Variants in PKIB observed in about 807,000 individuals in gnomAD.
PKIB encodes PKI-beta.
A neutral mutation model predicts 4.5 loss-of-function variants in PKIB; 2 were observed. The observed-to-expected ratio is 0.44, with a 90% CI of 0.18 to 1.39. The LOEUF (loss-of-function observed/expected upper bound fraction) is 1.39, where lower values mean the gene tolerates loss of function less well. Ranked by LOEUF, PKIB falls within the 40% of genes most tolerant of loss-of-function variation. The pLI is 0.27. For missense variants in PKIB, 94 were observed against 92.6 expected (o/e 1.02, Z -0.06); for synonymous variants, 38 against 36.0 (o/e 1.06, Z -0.20).
chr6:122,582,047 T>A (rs1324019519), intron 2 of PKIB, among the ~76,000 whole-genome samples: 1 of 152,088 alleles, frequency 6.6e-6, no homozygotes, highest in Admixed American at 6.6e-5. Context: ...ATGAGCCATA[T>A]AACGTGATGT....
At chr6:122,561,990 T>G (rs1394574285) in intron 2 of PKIB, among the ~76,000 whole-genome samples, 7 of 123,032 alleles carry the variant, frequency 5.7e-5, no homozygotes, top group African/African-American at 2.1e-4. Flanking sequence ...TTTTGTTTGT[T>G]TTTGTTTTTT....
At chr6:122,714,666 G>A (rs1779406995) in intron 3 of PKIB, among the ~76,000 whole-genome samples, 1 of 152,128 alleles carries the variant, frequency 6.6e-6, no homozygotes, top group Admixed American at 6.6e-5. Context: ...CAGACATTGG[G>A]GTTCACTTGA....
chr6:122,617,121 A>C (rs940870936), intron 1 of PKIB, among the ~76,000 whole-genome samples: 1 of 152,186 alleles, frequency 6.6e-6, no homozygotes, highest in African/African-American at 2.4e-5. Flanking sequence ...TATCCCTTGT[A>C]AATATGGCTG....
chr6:122,587,028 G>GT (rs758668733), intron 3 of PKIB, among the ~76,000 whole-genome samples: 2,270 of 149,640 alleles, frequency 0.015, 19 homozygotes, highest in African/African-American at 0.027. Flanking sequence ...AAGCAATGTG[G>GT]TTTTTTTTTT....
intron 3 of PKIB, among the ~76,000 whole-genome samples, chr6:122,586,567 T>C (rs886611777): frequency 6.6e-6 from 1 of 152,176 alleles, no homozygotes; most frequent in Non-Finnish European, 1.5e-5. Flanking sequence ...AAATGTGGAT[T>C]AAAAAATGGT....
At chr6:122,672,038 C>T (rs1455208920) in intron 2 of PKIB, among the ~76,000 whole-genome samples, 2 of 152,162 alleles carry the variant, frequency 1.3e-5, no homozygotes, top group South Asian at 2.1e-4. Context: ...TCAGTTCCTG[C>T]AAGCAAATAC....
intron 1 of PKIB, among the ~76,000 whole-genome samples, chr6:122,611,402 AAAACAAACAAC>A (rs1436997319): frequency 2.0e-5 from 3 of 152,172 alleles, no homozygotes; most frequent in Non-Finnish European, 4.4e-5. Flanking sequence ...GGGAAGCACT[AAAACAAACAAC>A]AAACAAACAA....
chr6:122,568,039 T>C (rs1317679405), intron 2 of PKIB, among the ~76,000 whole-genome samples: 1 of 152,176 alleles, frequency 6.6e-6, no homozygotes, highest in Non-Finnish European at 1.5e-5. Context: ...GAATTAATTA[T>C]AAAAGTTGTA....
chr6:122,522,857 G>T (rs1217484144), intron 2 of PKIB, among the ~76,000 whole-genome samples: 1 of 152,166 alleles, frequency 6.6e-6, no homozygotes, highest in Non-Finnish European at 1.5e-5. Flanking sequence ...TTCCTGTTTG[G>T]ACATCTTGCC....
At chr6:122,624,538 C>CA (rs1213251762) in intron 1 of PKIB, among the ~76,000 whole-genome samples, 1 of 152,012 alleles carries the variant, frequency 6.6e-6, no homozygotes, top group Non-Finnish European at 1.5e-5. Flanking sequence ...GTCAATTCTC[C>CA]AAAAACATTC....
At chr6:122,662,882 G>T (rs1379925475) in intron 2 of PKIB, among the ~76,000 whole-genome samples, 1 of 152,220 alleles carries the variant, frequency 6.6e-6, no homozygotes, top group Non-Finnish European at 1.5e-5. Flanking sequence ...TCTAGCTGCT[G>T]TTTGTCTGCC....
At chr6:122,483,850 G>A (rs1775690605) in intron 2 of PKIB, 1 of 152,168 alleles carries the variant, frequency 6.6e-6, no homozygotes, top group Non-Finnish European at 1.5e-5. Context: ...GTAAATTTAT[G>A]TCCTGCTTTT....
chr6:122,550,558 G>T (rs2114654046), intron 2 of PKIB, among the ~76,000 whole-genome samples: 1 of 152,098 alleles, frequency 6.6e-6, no homozygotes, highest in South Asian at 2.1e-4. Flanking sequence ...TTTTCCAACA[G>T]TCTTTTGATA....
At chr6:122,690,935 T>A (rs866418360) in intron 3 of PKIB, among the ~76,000 whole-genome samples, 3,076 of 145,766 alleles carry the variant, frequency 0.021, 82 homozygotes, top group African/African-American at 0.066. Flanking sequence ...TATATATATT[T>A]TTTTTTTTTT....
chr6:122,508,950 C>T (rs887306822), intron 2 of PKIB, among the ~76,000 whole-genome samples: 11 of 152,024 alleles, frequency 7.2e-5, no homozygotes, highest in African/African-American at 1.4e-4. Flanking sequence ...GGGGTTTCAC[C>T]GTGTTAGCCA....
At chr6:122,615,806 G>C (rs987183768) in intron 1 of PKIB, among the ~76,000 whole-genome samples, 1 of 152,184 alleles carries the variant, frequency 6.6e-6, no homozygotes, top group Non-Finnish European at 1.5e-5. Context: ...GCCAAGGTTT[G>C]CTGGCAACCA....
chr6:122,622,578 G>T (rs1775282258), intron 1 of PKIB, among the ~76,000 whole-genome samples: 1 of 152,144 alleles, frequency 6.6e-6, no homozygotes, highest in African/African-American at 2.4e-5. Context: ...TGAGCTGGGG[G>T]TGCACTGGGA....
chr6:122,642,719 C>T (rs1776168381), intron 2 of PKIB, among the ~76,000 whole-genome samples: 1 of 152,166 alleles, frequency 6.6e-6, no homozygotes, highest in African/African-American at 2.4e-5. Context: ...ATGAGTGTGA[C>T]ATATCTTTAA....
chr6:122,586,289 C>T (rs1389627666), intron 3 of PKIB, among the ~76,000 whole-genome samples: 2 of 152,068 alleles, frequency 1.3e-5, no homozygotes, highest in Non-Finnish European at 2.9e-5. Flanking sequence ...TTAGGTTTTT[C>T]ATTATTTGTG....
Sources: allele counts gnomAD v4.1 joint callset (sites outside exome capture counted in the v4.1 genomes callset), GRCh38; gene constraint gnomAD v4.1.1; transcripts MANE v1.5; gene names NCBI Gene and HGNC (gene_info 2026-07-23, HGNC 2026-07-21).